TRERF1: variants seen among roughly 807,000 people sequenced by gnomAD.
TRERF1 encodes transcriptional-regulating factor 1.
Under a neutral mutation model 122.9 loss-of-function variants are expected in TRERF1, and 27 were observed. That is an observed-to-expected ratio of 0.22 (90% CI 0.16 to 0.30). The LOEUF (loss-of-function observed/expected upper bound fraction) is 0.30. Ranked by LOEUF, TRERF1 falls within the 10% of genes least tolerant of loss-of-function variation. TRERF1 has a pLI of 1.00. For synonymous variants in TRERF1, 636 were observed against 641.7 expected, an observed-to-expected ratio of 0.99 and a Z score of 0.13; for missense variants, 1,248 against 1,560.3, an observed-to-expected ratio of 0.80 and a Z score of 3.37.
chr6:42,432,990 C>A (rs1784713940), intron 2 of TRERF1, among the ~76,000 whole-genome samples: 1 of 151,912 alleles, frequency 6.6e-6, no homozygotes, highest in South Asian at 2.1e-4. Context: ...TCCTCTGGTA[C>A]AGAACAGCTA....
intron 3 of TRERF1, among the ~76,000 whole-genome samples, chr6:42,360,716 G>C (rs1771545998): frequency 6.9e-6 from 1 of 143,984 alleles, no homozygotes; most frequent in African/African-American, 2.6e-5. Context: ...GAGCCAGTCT[G>C]GTGCAGAAGC....
At chr6:42,304,616 T>C (rs1293391947) in intron 3 of TRERF1, among the ~76,000 whole-genome samples, 2 of 152,202 alleles carry the variant, frequency 1.3e-5, no homozygotes, top group Non-Finnish European at 2.9e-5. Context: ...TTGCTATTTC[T>C]TGGTCTGTGC....
intron 2 of TRERF1, among the ~76,000 whole-genome samples, chr6:42,417,328 G>GCTGAAGCCAGCAGCCCAGCCC (rs2307594): frequency 2.0e-5 from 3 of 151,826 alleles, no homozygotes; most frequent in South Asian, 2.1e-4. Flanking sequence ...CTACCCCACG[G>GCTGAAGCCAGCAGCCCAGCCC]ACCCCACTCC....
At chr6:42,362,780 C>T (rs1215030616) in intron 3 of TRERF1, among the ~76,000 whole-genome samples, 1 of 152,202 alleles carries the variant, frequency 6.6e-6, no homozygotes, top group African/African-American at 2.4e-5. Context: ...AAGAGACACC[C>T]TCCGCCCCAT....
intron 10 of TRERF1, 83 bp from the exon 11 acceptor site, chr6:42,257,185 A>G: frequency 6.6e-7 from 1 of 1,517,310 alleles, no homozygotes; most frequent in Non-Finnish European, 8.9e-7. Flanking sequence ...AACTTGAAAA[A>G]GAAGGAAACT....
chr6:42,434,439 A>G lies in TRERF1; in HGVS notation c.-454+16738T>C, dbSNP rs142889851. On this transcript the variant is annotated intron_variant, in intron 2 of 17. Transcript: ENST00000372922. The stretch of plus-strand genomic sequence containing the variant: ...GATATGTTACTTTCAGAAGAACCAC[A>G]ATAAAACTGACAGATGACTTTTTAA... 3.3e-3 allele frequency among the ~76,000 whole-genome samples: 497 copies of G among 152,200 alleles called. 3 individuals carry two copies. Among genetic ancestry groups the G allele is most frequent in the Non-Finnish European group, 4.6e-3 (315 of 68,000 alleles).
Position 42,275,560 on chromosome 6 carries a change from G to T in TRERF1, c.-258-5712C>A, listed in dbSNP as rs746606502. 6.6e-6 allele frequency among the ~76,000 whole-genome samples: 1 copy of T among 152,244 alleles called. No homozygotes were observed. Among genetic ancestry groups the T allele is most frequent in the African/African-American group, 2.4e-5 (1 of 41,462 alleles). On this transcript the variant is annotated intron_variant, in intron 4 of 17. Transcript: ENST00000372922. The surrounding 1 kb of genome is among the most constrained non-coding windows in gnomAD (Gnocchi z 4.1). Reference sequence around the variant, plus strand: ...GTAGGGACAGCAGCCTGCCCATGTGGTGTCCTCAGGGACTGGGACATAGCA... The same window carrying T: ...GTAGGGACAGCAGCCTGCCCATGTGTTGTCCTCAGGGACTGGGACATAGCA...
chr6:42,409,854 C>T (rs1260163350), intron 2 of TRERF1, among the ~76,000 whole-genome samples: 4 of 152,166 alleles, frequency 2.6e-5, no homozygotes, highest in Admixed American at 6.5e-5. Context: ...AGGATTGCTA[C>T]ACGGTTATAC....
At chr6:42,384,068 T>C (rs1250455499) in intron 2 of TRERF1, among the ~76,000 whole-genome samples, 1 of 151,958 alleles carries the variant, frequency 6.6e-6, no homozygotes, top group African/African-American at 2.4e-5. Context: ...ATACTTAGTA[T>C]GTCTATCAGT....
At chr6:42,315,981 AAG>A (rs1762427451) in intron 3 of TRERF1, among the ~76,000 whole-genome samples, 1 of 152,170 alleles carries the variant, frequency 6.6e-6, no homozygotes, top group Non-Finnish European at 1.5e-5. Context: ...CCTAAAAAAT[AAG>A]AGGCTGTTTT....
intron 3 of TRERF1, among the ~76,000 whole-genome samples, chr6:42,357,328 CAAAAAAAAAAAA>C (rs35651008): frequency 3.3e-5 from 2 of 61,154 alleles, no homozygotes; most frequent in African/African-American, 5.7e-5. Context: ...GACTCTGTCT[CAAAAAAAAAAAA>C]AAAAAAAAAA....
chr6:42,265,007 T>C (rs1778903963), intron 6 of TRERF1, among the ~76,000 whole-genome samples, 153 bp from the exon 7 acceptor site: 1 of 152,218 alleles, frequency 6.6e-6, no homozygotes, highest in South Asian at 2.1e-4. Context: ...CAGTGCCCTT[T>C]AGAGAACAAA....
chr6:42,425,282 C>G (rs1380687440), intron 2 of TRERF1, among the ~76,000 whole-genome samples: 4 of 152,186 alleles, frequency 2.6e-5, no homozygotes, highest in African/African-American at 9.7e-5. Context: ...CTACCATTTA[C>G]ACAGTGTGCT....
chr6:42,254,908 G>C, exon 13 of TRERF1: 1 of 1,614,184 alleles, frequency 6.2e-7, no homozygotes, highest in South Asian at 1.1e-5. Context: ...TTCCGCAGTA[G>C]CAGCATTTCC....
At position 42,259,536 on chromosome 6, in the gene TRERF1, C is replaced by A. The variant is rs564334935; in HGVS notation, c.2072G>T (p.Arg691Leu). Reference sequence around the variant, plus strand: ...CAGGAGCAGGTGGTCCCCGAGGACGCGCGGGGAGCGCAGCTGGCTCTGGTA... The same window carrying A: ...CAGGAGCAGGTGGTCCCCGAGGACGAGCGGGGAGCGCAGCTGGCTCTGGTA... The change falls in exon 9 of 18, where the codon CGC becomes CTC. Residue 691 changes from arginine to leucine, a missense_variant. Physicochemically the swap from Arg to Leu is moderately radical, Grantham distance 102. Transcript: ENST00000372922. The surrounding 1 kb of genome is among the most constrained non-coding windows in gnomAD (Gnocchi z 4.9). 20 of 1,613,358 alleles carry A rather than the reference C, an allele frequency of 1.2e-5. No individual in the cohort carries two copies. The South Asian group carries it at 2.1e-4, about 17-fold the overall frequency.
chr6:42,301,010 GAGAGAGAC>G (rs1229520521), intron 3 of TRERF1, among the ~76,000 whole-genome samples: 35 of 151,950 alleles, frequency 2.3e-4, no homozygotes, highest in African/African-American at 8.5e-4. Context: ...CAGAGAGAGA[GAGAGAGAC>G]AGACAGACAG....
chr6:42,250,857 G>A (rs985328124), intron 13 of TRERF1, among the ~76,000 whole-genome samples: 2 of 152,110 alleles, frequency 1.3e-5, no homozygotes, highest in Non-Finnish European at 2.9e-5. Context: ...GCTAATTTGG[G>A]GGCAATCGAC....
rs1266016907 is a variant in TRERF1 at position 42,388,243 on chromosome 6, G to T, written c.-453-25164C>A. The stretch of plus-strand genomic sequence containing the variant: ...TTCTTTCTTTTTTTTTTTTTTTTAG[G>T]CAACTTTATTCAGGCAGTACTGGAA... On this transcript the variant is annotated intron_variant, in intron 2 of 17. Coordinates refer to ENST00000372922, the Ensembl canonical transcript of TRERF1. Among the ~76,000 whole-genome samples the T allele has an allele frequency of 2.0e-5, 3 of 148,004 alleles. No homozygotes were observed. In the East Asian group the frequency reaches 5.8e-4, roughly 29 times the overall value.
intron 2 of TRERF1, among the ~76,000 whole-genome samples, chr6:42,396,085 G>A (rs62416696): frequency 1.7e-4 from 26 of 152,144 alleles, no homozygotes; most frequent in Non-Finnish European, 3.2e-4. Context: ...AATGTCCCAA[G>A]CAGGTCTGTT....
Sources: gnomAD v4.1 joint callset for allele counts (sites outside exome capture counted in the v4.1 genomes callset) on GRCh38, gnomAD v4.1.1 for gene constraint, Gnocchi (gnomAD v3.1) non-coding constraint, MANE v1.5 for transcripts, NCBI Gene and HGNC (gene_info 2026-07-23, HGNC 2026-07-21) for gene names.